The following JAM2 variants were observed in gnomAD, a reference collection of about 807,000 sequenced individuals.
The protein encoded by JAM2 is junctional adhesion molecule B.
A neutral mutation model predicts 42.0 loss-of-function variants in JAM2; 17 were observed. The observed-to-expected ratio is 0.40, with a 90% CI of 0.28 to 0.61. The LOEUF is 0.61. JAM2 is among the 20% of genes least tolerant of loss of function. The probability of loss-of-function intolerance (pLI) is 0.37; values close to 1 mark genes in which losing one functional copy is unlikely to be tolerated. For synonymous variants in JAM2, 118 were observed against 128.6 expected, an observed-to-expected ratio of 0.92 and a Z score of 0.56; for missense variants, 319 against 358.3, an observed-to-expected ratio of 0.89 and a Z score of 0.89.
At chr21:25,641,225 A>G (rs2032431542) in intron 1 of JAM2, among the ~76,000 whole-genome samples, 1 of 152,264 alleles carries the variant, frequency 6.6e-6, no homozygotes, top group African/African-American at 2.4e-5. Flanking sequence ...TTAACAGAAC[A>G]ACTGAGAAAG....
At chr21:25,711,569 G>A (rs901927415) in intron 8 of JAM2, 9 of 359,722 alleles carry the variant, frequency 2.5e-5, no homozygotes, top group Admixed American at 4.0e-5. Context: ...TCTCAGTCTC[G>A]TAAGATCCTA....
At chr21:25,668,134 C>T (rs929670120) in intron 1 of JAM2, among the ~76,000 whole-genome samples, 1 of 152,060 alleles carries the variant, frequency 6.6e-6, no homozygotes, top group East Asian at 1.9e-4. Context: ...AGCCAGTGTC[C>T]CTGGAGCAGA....
intron 5 of JAM2, among the ~76,000 whole-genome samples, chr21:25,700,664 T>A (rs1813185822): frequency 6.6e-6 from 1 of 152,224 alleles, no homozygotes; most frequent in African/African-American, 2.4e-5. Context: ...CCAGCCAATT[T>A]TAATGAATTT....
intron 4 of JAM2, among the ~76,000 whole-genome samples, chr21:25,696,251 G>A (rs1023597175): frequency 6.6e-6 from 1 of 152,178 alleles, no homozygotes; most frequent in South Asian, 2.1e-4. Context: ...AGTCAGGCGT[G>A]GCGGCGCGCG....
At chr21:25,657,076 C>G (rs1422243892) in intron 1 of JAM2, among the ~76,000 whole-genome samples, 1 of 152,096 alleles carries the variant, frequency 6.6e-6, no homozygotes, top group Non-Finnish European at 1.5e-5. Flanking sequence ...TGTTTCTTTT[C>G]AGAGAACAAT....
chr21:25,652,329 C>T (rs533645145), intron 1 of JAM2, among the ~76,000 whole-genome samples: 8 of 152,170 alleles, frequency 5.3e-5, no homozygotes, highest in Non-Finnish European at 1.0e-4. Context: ...GAGATCGAGG[C>T]TGTGGTGAGC....
At chr21:25,643,505 G>A (rs1292811061) in intron 1 of JAM2, 1 of 152,150 alleles carries the variant, frequency 6.6e-6, no homozygotes, top group Admixed American at 6.5e-5. Flanking sequence ...AAATCACAAG[G>A]TTCTGCCTTT....
chr21:25,681,611 A>G (rs985797590), intron 1 of JAM2, among the ~76,000 whole-genome samples: 1 of 152,194 alleles, frequency 6.6e-6, no homozygotes, highest in Non-Finnish European at 1.5e-5. Context: ...TCAACCAACA[A>G]TAATGCTTTG....
At chr21:25,684,750 C>G (rs1400712229) in intron 2 of JAM2, among the ~76,000 whole-genome samples, 5 of 152,046 alleles carry the variant, frequency 3.3e-5, no homozygotes, top group South Asian at 2.1e-4. Context: ...CACAGGCCAC[C>G]ATGTCTGGCT....
chr21:25,671,309 A>AG (rs397814796), intron 1 of JAM2, among the ~76,000 whole-genome samples: 1 of 151,196 alleles, frequency 6.6e-6, no homozygotes, highest in Non-Finnish European at 1.5e-5. Flanking sequence ...ATACAAAAAA[A>AG]TGCTTATTCT....
At chr21:25,681,621 GCA>G (rs2033633417) in intron 1 of JAM2, among the ~76,000 whole-genome samples, 1 of 152,112 alleles carries the variant, frequency 6.6e-6, no homozygotes, top group Non-Finnish European at 1.5e-5. Context: ...ATAATGCTTT[GCA>G]TTATTCTGAG....
At chr21:25,702,509 TTAAA>T (rs1342133466) in intron 6 of JAM2, among the ~76,000 whole-genome samples, 3 of 152,362 alleles carry the variant, frequency 2.0e-5, no homozygotes, top group Admixed American at 6.5e-5. Flanking sequence ...TTTTAGTTTT[TTAAA>T]TAATCGTTTT....
intron 8 of JAM2, chr21:25,711,363 A>G (rs765400525): frequency 2.2e-6 from 1 of 454,974 alleles, no homozygotes; most frequent in South Asian, 1.6e-5. Flanking sequence ...TCTTGTATGT[A>G]CAGATCTGGC....
chr21:25,688,965 G>T (rs556844538), intron 2 of JAM2, among the ~76,000 whole-genome samples: 1 of 151,378 alleles, frequency 6.6e-6, no homozygotes, highest in East Asian at 1.9e-4. Context: ...ATTTATAACT[G>T]GAGGTTTCCA....
At chr21:25,670,127 T>C (rs910754900) in intron 1 of JAM2, among the ~76,000 whole-genome samples, 9 of 152,198 alleles carry the variant, frequency 5.9e-5, no homozygotes, top group African/African-American at 2.2e-4. Flanking sequence ...GACTTTTGCC[T>C]ACCATATCTG....
intron 4 of JAM2, among the ~76,000 whole-genome samples, chr21:25,697,839 T>C (rs2034072455): frequency 6.6e-6 from 1 of 151,680 alleles, no homozygotes; most frequent in Non-Finnish European, 1.5e-5. Flanking sequence ...GCTCGGGAGG[T>C]TGAGGCTACA....
chr21:25,639,955 C>T lies in JAM2; in HGVS notation c.67+67C>T, dbSNP rs1323647801. 9 of 1,158,762 alleles carry T rather than the reference C, an allele frequency of 7.8e-6. 1 individual carries two copies. In the East Asian group the frequency reaches 8.7e-5, roughly 11 times the overall value. 71.8% of individuals were successfully genotyped at this position (1,158,762 alleles called of 1,614,324 possible). ...CCTGCCCCCACCCTCCAGCCCCCCA[C>T]GGGGCGCTGGCTGACAGTGTCTGGG... On this transcript the variant is annotated intron_variant, in intron 1 of 9. Coordinates refer to ENST00000480456, the MANE Select transcript of JAM2 (RefSeq NM_021219.4).
At chr21:25,651,654 A>G (rs1568888201) in intron 1 of JAM2, among the ~76,000 whole-genome samples, 1 of 152,244 alleles carries the variant, frequency 6.6e-6, no homozygotes, top group Non-Finnish European at 1.5e-5. Context: ...CAAAAACAGG[A>G]CATGCTTTAT....
chr21:25,694,621 G>A (rs895423406), intron 4 of JAM2, among the ~76,000 whole-genome samples: 2 of 152,064 alleles, frequency 1.3e-5, no homozygotes, highest in Non-Finnish European at 2.9e-5. Context: ...CTTGAGGTCA[G>A]GGAGATTGAG....
Sources: allele counts gnomAD v4.1 joint callset (sites outside exome capture counted in the v4.1 genomes callset), GRCh38; gene constraint gnomAD v4.1.1; transcripts MANE v1.5; gene names NCBI Gene and HGNC (gene_info 2026-07-23, HGNC 2026-07-21).